Variants in NIN observed in about 807,000 individuals in gnomAD.
The protein encoded by NIN is glycogen synthase kinase 3 beta-interacting protein.
NIN carries 137 observed loss-of-function variants against 257.6 expected under a neutral mutation model. The observed-to-expected ratio is 0.53, with a 90% CI of 0.46 to 0.61. The LOEUF is 0.61. NIN is among the 20% of genes least tolerant of loss of function. The pLI, the probability that NIN is intolerant of heterozygous loss-of-function variation, is 0.00. For synonymous variants in NIN, 918 were observed against 919.8 expected (o/e 1.00, Z 0.04); for missense variants, 2,439 against 2,501.2 (o/e 0.98, Z 0.53).
chr14:50,729,036 G>A (rs2040555151), intron 29 of NIN, among the ~76,000 whole-genome samples: 2 of 152,160 alleles, frequency 1.3e-5, no homozygotes, highest in South Asian at 2.1e-4. Flanking sequence ...TTTAAATTCT[G>A]TAATATTTTT....
chr14:50,815,954 T>G (rs1466325253), intron 3 of NIN, among the ~76,000 whole-genome samples: 1 of 152,126 alleles, frequency 6.6e-6, no homozygotes, highest in Non-Finnish European at 1.5e-5. Flanking sequence ...TGCAGTGAGC[T>G]GAGATTGCAC....
chr14:50,787,662 G>C (rs2043403671), intron 5 of NIN, among the ~76,000 whole-genome samples: 1 of 152,172 alleles, frequency 6.6e-6, no homozygotes, highest in Non-Finnish European at 1.5e-5. Flanking sequence ...CCCAAGATGA[G>C]AGGTCAGACT....
intron 22 of NIN, among the ~76,000 whole-genome samples, chr14:50,746,138 A>C (rs561170419): frequency 1.3e-5 from 2 of 152,116 alleles, no homozygotes; most frequent in Non-Finnish European, 2.9e-5. Context: ...AGCTTAGCAA[A>C]GCCACAAAGC....
chr14:50,767,623 C>T (rs2042546794), intron 12 of NIN, among the ~76,000 whole-genome samples: 1 of 152,062 alleles, frequency 6.6e-6, no homozygotes, highest in African/African-American at 2.4e-5. Context: ...CGAGACCATC[C>T]TGGCGAACAC....
rs79799330 is a variant in NIN at position 50,752,381 on chromosome 14, C to T, written c.4950+137G>A. ...AATTCTAGACTTTCTATTCCACTTA[C>T]CTACTTATCTATTCATGTGCCAGGA... On this transcript the variant is annotated intron_variant, in intron 21 of 30. Transcript: ENST00000530997. 0.04 allele frequency: 25,873 copies of T among 644,038 alleles called. 650 individuals are homozygous for T. Among genetic ancestry groups the T allele is most frequent in the Middle Eastern group, 0.064 (232 of 3,626 alleles). The allele number at this position is 644,038 out of a possible 1,614,324, so 39.9% of individuals were successfully genotyped here. A position where few individuals can be genotyped will look rare whatever the true frequency, so the allele number is the denominator to read the frequency against.
intron 3 of NIN, among the ~76,000 whole-genome samples, chr14:50,815,364 G>A (rs989058360): frequency 1.3e-5 from 2 of 152,138 alleles, no homozygotes; most frequent in Non-Finnish European, 2.9e-5. Flanking sequence ...CAGTCAGAAT[G>A]GCAATCAATA....
At chr14:50,770,112 C>T (rs1460570827) in intron 12 of NIN, among the ~76,000 whole-genome samples, 1 of 152,108 alleles carries the variant, frequency 6.6e-6, no homozygotes, top group Non-Finnish European at 1.5e-5. Flanking sequence ...AAGGGGTCAG[C>T]CAGGTGCCAA....
chr14:50,802,956 C>T (rs2044161496), intron 4 of NIN, among the ~76,000 whole-genome samples: 1 of 152,166 alleles, frequency 6.6e-6, no homozygotes, highest in African/African-American at 2.4e-5. Flanking sequence ...TAAGGCTGAG[C>T]ACTATGGTCC....
intron 4 of NIN, among the ~76,000 whole-genome samples, chr14:50,804,909 C>T (rs774645212): frequency 5.9e-5 from 9 of 152,312 alleles, no homozygotes; most frequent in East Asian, 1.9e-4. Flanking sequence ...GCCCATGGGC[C>T]GTGGGTTGGA....
At chr14:50,747,852 C>T in intron 22 of NIN, 140 bp downstream of exon 22, 1 of 611,002 alleles carries the variant, frequency 1.6e-6, no homozygotes. Flanking sequence ...TCAACTTTGC[C>T]AAGCAGTATG....
intron 2 of NIN, among the ~76,000 whole-genome samples, chr14:50,822,794 C>G (rs144403378): frequency 6.6e-6 from 1 of 152,214 alleles, no homozygotes; most frequent in Admixed American, 6.5e-5. Context: ...TGAGGTGTGA[C>G]GGGAAGAATA....
At chr14:50,787,265 G>C (rs2043385893) in intron 5 of NIN, among the ~76,000 whole-genome samples, 1 of 152,058 alleles carries the variant, frequency 6.6e-6, no homozygotes, top group South Asian at 2.1e-4. Context: ...AGAAAGCAAA[G>C]TGGTCCTGCC....
rs777704696 is a variant in NIN at position 50,757,004 on chromosome 14, C to T, written c.4026G>A (p.Arg1342=). 6.2e-7 allele frequency: 1 copy of T among 1,613,322 alleles called. No homozygotes were observed. The highest frequency in any genetic ancestry group is 8.5e-7 in the Non-Finnish European group (1 of 1,179,670). The part of the protein sequence containing the change: ...IEKLQESVVQ[R]CDCCLWEASL... ...TGGCTTCCCATAAGCAGCAGTCACA[C>T]CGCTGGACCACGCTTTCCTGAAGCT... The change falls in exon 18 of 31, where the codon CGG becomes CGA. Residue 1342 remains arginine, a synonymous_variant. Coordinates refer to ENST00000530997, the MANE Select transcript of NIN (RefSeq NM_020921.4).
At chr14:50,753,025 A>G (rs1258553326) in intron 20 of NIN, among the ~76,000 whole-genome samples, 2 of 152,218 alleles carry the variant, frequency 1.3e-5, no homozygotes, top group African/African-American at 4.8e-5. Context: ...ACCCATACAC[A>G]CATACAGATT....
rs2042288094 is a variant in NIN, at chr14:50,761,875, C to T, written c.1811G>A (p.Ser604Asn). The T allele has an allele frequency of 6.2e-7, 1 of 1,614,140 alleles. No individual in the cohort carries two copies. Among genetic ancestry groups the T allele is most frequent in the Non-Finnish European group, 8.5e-7 (1 of 1,179,992 alleles). ...GSEECNPLNM[S>N]IEAELVIEQM... ...TTCAATGACCAGCTCTGCCTCAATG[C>T]TCATATTCAATGGATTGCATTCTTC... Residue 604 changes from serine to asparagine, a missense_variant, in exon 16 of 31, where the codon AGC (serine) becomes AAC (asparagine). Physicochemically the swap from Ser to Asn is conservative, Grantham distance 46. Transcript: ENST00000530997.
chr14:50,730,362 C>T (rs1201034716), intron 28 of NIN, among the ~76,000 whole-genome samples: 1 of 152,130 alleles, frequency 6.6e-6, no homozygotes, highest in Non-Finnish European at 1.5e-5. Flanking sequence ...GAAATGTGTA[C>T]CAACATGCCA....
In NIN at chr14:50,821,782, C is replaced by A. The variant is rs928522839; in HGVS notation, c.183+92G>T. 8.3e-6 allele frequency: 8 copies of A among 960,348 alleles called. No individual in the cohort carries two copies. The African/African-American group carries it at 1.3e-4, about 16-fold the overall frequency. The allele number at this position is 960,348 out of a possible 1,614,324, so 59.5% of individuals were successfully genotyped here. A position where few individuals can be genotyped will look rare whatever the true frequency, so the allele number is the denominator to read the frequency against. ...CATGTAACAGCCAGGATGCTAGAAA[C>A]AAGTTGCAACATGTGTGGTCCGCCC... On this transcript the variant is annotated intron_variant, in intron 3 of 30. Transcript: ENST00000530997.
At chr14:50,791,330 A>C (rs1426774196) in intron 5 of NIN, among the ~76,000 whole-genome samples, 1 of 152,188 alleles carries the variant, frequency 6.6e-6, no homozygotes, top group Non-Finnish European at 1.5e-5. Flanking sequence ...TCAATTCGCA[A>C]AGAGACCCAA....
Position 50,772,366 on chromosome 14 carries a change from A to C in NIN, c.916T>G (p.Ser306Ala), listed in dbSNP as rs780493635. 1 of 1,614,046 alleles carries C rather than the reference A, an allele frequency of 6.2e-7. No individual in the cohort carries two copies. The highest frequency in any genetic ancestry group is 1.1e-5 in the South Asian group (1 of 91,056). ...SCLDDGMGHASVERILDTWQE... is the reference protein window; with the variant it reads ...SCLDDGMGHAAVERILDTWQE... ...CAGGTGTCCAGTATTCTCTCCACAG[A>C]TGCATGGCCCATCCCATCATCCAGG... The change falls in exon 9 of 31, where the codon TCT (serine) becomes GCT (alanine). Residue 306 changes from serine to alanine, a missense_variant. By Grantham distance (99) the Ser-to-Ala change is moderately conservative. Around this residue, in one of 3 missense-constraint regions of NIN, gnomAD observed 387 missense variants for 427.3 expected, o/e 0.91. Transcript: ENST00000530997.
Sources: gnomAD v4.1 joint callset for allele counts (sites outside exome capture counted in the v4.1 genomes callset) on GRCh38, gnomAD v4.1.1 for gene constraint, gnomAD v4.1.1 regional missense constraint, MANE v1.5 for transcripts, NCBI Gene and HGNC (gene_info 2026-07-23, HGNC 2026-07-21) for gene names.